FAM120C: variants seen among roughly 807,000 people sequenced by gnomAD.
FAM120C encodes constitutive coactivator of PPAR-gamma-like protein 2.
FAM120C carries 14 observed loss-of-function variants against 71.2 expected under a neutral mutation model. The observed-to-expected ratio is 0.20, with a 90% CI of 0.13 to 0.31. The LOEUF (loss-of-function observed/expected upper bound fraction) is 0.31, where lower values mean the gene tolerates loss of function less well. Ranked by LOEUF, FAM120C falls within the 10% of genes least tolerant of loss-of-function variation. The pLI, the probability that FAM120C is intolerant of heterozygous loss-of-function variation, is 1.00. For synonymous variants in FAM120C, 354 were observed against 353.2 expected, an observed-to-expected ratio of 1.00 and a Z score of -0.03; for missense variants, 500 against 879.0, an observed-to-expected ratio of 0.57 and a Z score of 5.45.
intron 9 of FAM120C, among the ~76,000 whole-genome samples, chrX:54,130,683 G>A (rs2067061771): frequency 9.0e-6 from 1 of 111,360 alleles, no homozygotes; most frequent in African/African-American, 3.3e-5. Flanking sequence ...CCTCATTACA[G>A]CCTGGGCAAG....
At position 54,160,605 on chromosome X, in the gene FAM120C, C is replaced by G. The variant is rs1426777053; in HGVS notation, c.700-989G>C. Among the ~76,000 whole-genome samples, 3 of 111,392 alleles carry G rather than the reference C, an allele frequency of 2.7e-5. No individual in the cohort carries two copies. In the Admixed American group the frequency reaches 2.9e-4, roughly 11 times the overall value. On this transcript the variant is annotated intron_variant, in intron 1 of 15. Coordinates refer to ENST00000375180, the MANE Select transcript of FAM120C (RefSeq NM_017848.6). ...AAGTATACTGAAATTATCTGTATAC[C>G]GGCTCCACCAAATTAAGTTCCTTGA...
intron 1 of FAM120C, among the ~76,000 whole-genome samples, chrX:54,178,718 A>G (rs1407411452): frequency 4.5e-5 from 5 of 111,950 alleles, no homozygotes; most frequent in African/African-American, 6.5e-5. Flanking sequence ...CAGAATGTCT[A>G]TGACTAATGG....
intron 15 of FAM120C, among the ~76,000 whole-genome samples, chrX:54,075,516 C>T (rs1231241683): frequency 8.9e-6 from 1 of 112,031 alleles, no homozygotes; most frequent in African/African-American, 3.2e-5. Context: ...TAAGAACAGG[C>T]GGCCAGGCGC....
At chrX:54,109,727 G>A (rs1337545869) in intron 10 of FAM120C, among the ~76,000 whole-genome samples, 2 of 107,713 alleles carry the variant, frequency 1.9e-5, no homozygotes, top group Admixed American at 2.0e-4. Context: ...TGAGGCAGGA[G>A]AATCGCTTGA....
chrX:54,074,026 A>G (rs781912808), intron 15 of FAM120C, among the ~76,000 whole-genome samples: 7 of 110,232 alleles, frequency 6.4e-5, no homozygotes, highest in Non-Finnish European at 1.3e-4. Context: ...GGGTTTCACC[A>G]TGTTGGCCAC....
chrX:54,156,886 CAAA>C (rs782182111), intron 3 of FAM120C, among the ~76,000 whole-genome samples: 1 of 32,740 alleles, frequency 3.1e-5, no homozygotes. Flanking sequence ...GACTTTGCCT[CAAA>C]AAAAAAAAAA....
chrX:54,157,851 G>A, intron 2 of FAM120C, 80 bp from the exon 3 acceptor site: 1 of 606,588 alleles, frequency 1.6e-6, no homozygotes, highest in Non-Finnish European at 2.7e-6. Flanking sequence ...TCCTGGGAGA[G>A]AAAATGATCA....
rs997194101 is a variant in FAM120C at position 54,117,759 on chromosome X, C to A, written c.2063-965G>T. On this transcript the variant is annotated intron_variant, in intron 9 of 15. Transcript: ENST00000375180. ...AAATAAATCAAGGTCCAATGTCACA[C>A]ATTTCTTAGTTACTCTGAATCTTAT... 7.2e-5 allele frequency among the ~76,000 whole-genome samples: 8 copies of A among 110,897 alleles called. No homozygotes were observed. In the East Asian group the frequency reaches 1.7e-3, roughly 23 times the overall value.
intron 2 of FAM120C, among the ~76,000 whole-genome samples, chrX:54,159,010 C>A (rs782082292): frequency 1.8e-5 from 2 of 111,852 alleles, no homozygotes; most frequent in South Asian, 7.5e-4. Flanking sequence ...AATTGAGACA[C>A]TGGGGAAGAA....
chrX:54,073,346 A>G, intron 15 of FAM120C, 59 bp from the exon 16 acceptor site: 2 of 1,111,202 alleles, frequency 1.8e-6, no homozygotes, highest in Admixed American at 5.2e-5. Context: ...GACCCTTCCT[A>G]AGCATATTCA....
At chrX:54,117,676 C>T (rs1301839697) in intron 9 of FAM120C, among the ~76,000 whole-genome samples, 2 of 106,371 alleles carry the variant, frequency 1.9e-5, no homozygotes, top group East Asian at 2.9e-4. Flanking sequence ...GCAGCCTGGG[C>T]GACAGAGCGA....
chrX:54,115,220 A>G (rs892075235), intron 10 of FAM120C, among the ~76,000 whole-genome samples: 4 of 112,662 alleles, frequency 3.6e-5, no homozygotes, highest in African/African-American at 9.7e-5. Context: ...CTGAGTGTAC[A>G]CACATACATA....
At chrX:54,174,400 C>T (rs2067305192) in intron 1 of FAM120C, among the ~76,000 whole-genome samples, 1 of 111,457 alleles carries the variant, frequency 9.0e-6, no homozygotes. Context: ...CCATGAATGA[C>T]AAGTGGCACT....
intron 4 of FAM120C, among the ~76,000 whole-genome samples, chrX:54,145,180 C>G (rs1350841750): frequency 8.9e-6 from 1 of 112,021 alleles, no homozygotes; most frequent in Non-Finnish European, 1.9e-5. Flanking sequence ...ATGGATTATA[C>G]ACTTAAATGT....
Position 54,151,363 on chromosome X carries a change from T to C in FAM120C, c.1040A>G (p.His347Arg). ...HPLASLKVRA[H>R]QLVLPPCDVV... is the part of the protein sequence containing the mutation. ...GTCACAGGGAGGAAGAACCAGCTGA[T>C]GAGCTCGAACCTAGAAAGGCAAGAT... Residue 347 changes from histidine to arginine, a missense_variant, in exon 4 of 16, where the codon CAT becomes CGT. By Grantham distance (29) the His-to-Arg change is conservative. This residue lies in a region of FAM120C where 55 missense variants were observed against 96.7 expected (regional missense o/e 0.57). Coordinates refer to ENST00000375180, the MANE Select transcript of FAM120C (RefSeq NM_017848.6). 1.7e-6 allele frequency: 2 copies of C among 1,208,788 alleles called. No individual in the cohort carries two copies. Among genetic ancestry groups the C allele is most frequent in the Non-Finnish European group, 2.2e-6 (2 of 894,537 alleles).
intron 1 of FAM120C, among the ~76,000 whole-genome samples, chrX:54,160,566 T>C (rs944852164): frequency 3.0e-4 from 34 of 111,646 alleles, no homozygotes; most frequent in African/African-American, 1.1e-3. Flanking sequence ...TACATGCCTC[T>C]ATTGCTGTAC....
intron 4 of FAM120C, among the ~76,000 whole-genome samples, chrX:54,136,933 A>ATTTTATTATTTTAT (rs2043421932): frequency 1.9e-5 from 2 of 107,318 alleles, no homozygotes. Flanking sequence ...GTATGTTTTA[A>ATTTTATTATTTTAT]TTTTATTATT....
chrX:54,104,636 C>T (rs781993302), intron 10 of FAM120C, among the ~76,000 whole-genome samples: 4 of 109,822 alleles, frequency 3.6e-5, no homozygotes, highest in Non-Finnish European at 7.6e-5. Context: ...GGCGAAACCA[C>T]GTCTCTACTA....
chrX:54,181,252 A>G (rs1287619026), intron 1 of FAM120C, among the ~76,000 whole-genome samples: 1 of 110,918 alleles, frequency 9.0e-6, no homozygotes, highest in East Asian at 2.8e-4. Context: ...ACCACTTCTT[A>G]AGTGATTCCC....
Sources: gnomAD v4.1 joint callset for allele counts (sites outside exome capture counted in the v4.1 genomes callset) on GRCh38, gnomAD v4.1.1 for gene constraint, gnomAD v4.1.1 regional missense constraint, MANE v1.5 for transcripts, NCBI Gene and HGNC (gene_info 2026-07-23, HGNC 2026-07-21) for gene names.